The following TMEM132B variants were observed in gnomAD, a reference collection of about 807,000 sequenced individuals.
The protein encoded by TMEM132B is transmembrane protein 132B.
Under a neutral mutation model 90.8 loss-of-function variants are expected in TMEM132B, and 18 were observed. The observed-to-expected ratio is 0.20, with a 90% CI of 0.14 to 0.29. The LOEUF (loss-of-function observed/expected upper bound fraction) is 0.29. Among genes scored for constraint, TMEM132B ranks in the 10% least tolerant of loss-of-function variants. The pLI is 1.00. For missense variants in TMEM132B, 1,096 were observed against 1,326.8 expected, an observed-to-expected ratio of 0.83 and a Z score of 2.70; for synonymous variants, 504 against 523.3, an observed-to-expected ratio of 0.96 and a Z score of 0.50.
At chr12:125,364,266 T>C (rs567449713) in intron 2 of TMEM132B, among the ~76,000 whole-genome samples, 1 of 152,324 alleles carries the variant, frequency 6.6e-6, no homozygotes, top group African/African-American at 2.4e-5. Flanking sequence ...CTCTCCATAC[T>C]CTTTTACATA....
chr12:125,361,315 G>A (rs2136250474), intron 2 of TMEM132B, among the ~76,000 whole-genome samples: 1 of 152,176 alleles, frequency 6.6e-6, no homozygotes, highest in South Asian at 2.1e-4. Flanking sequence ...CTTGCCCAAG[G>A]GTCACACAGC....
intron 2 of TMEM132B, among the ~76,000 whole-genome samples, chr12:125,396,309 A>C (rs994353363): frequency 1.3e-5 from 2 of 152,138 alleles, no homozygotes; most frequent in African/African-American, 2.4e-5. Context: ...TTTAGCACCA[A>C]AGGATGATTC....
At chr12:125,501,524 C>T (rs968073276) in intron 3 of TMEM132B, among the ~76,000 whole-genome samples, 1 of 152,158 alleles carries the variant, frequency 6.6e-6, no homozygotes, top group Non-Finnish European at 1.5e-5. Flanking sequence ...TGATGGTCTC[C>T]CTTTCCCCAC....
rs1887104200 is a variant in TMEM132B at position 125,657,804 on chromosome 12, AC to A, written c.*3096del. On this transcript the variant is annotated 3_prime_UTR_variant, in exon 9 of 9. Coordinates refer to ENST00000682704, the MANE Select transcript of TMEM132B (RefSeq NM_001366854.1). ...ACACCAGCAAGCCTCTTGAGAAGGC[AC>A]CAGACAGTGAACTCTGTGGTCACAT... 6.6e-6 allele frequency: 1 copy of A among 152,316 alleles called. No individual in the cohort carries two copies. Among genetic ancestry groups the A allele is most frequent in the African/African-American group, 2.4e-5 (1 of 41,464 alleles). The allele number at this position is 152,316 out of a possible 1,614,324, so 9.4% of individuals were successfully genotyped here.
chr12:125,642,808 A>T (rs917689182), intron 5 of TMEM132B, among the ~76,000 whole-genome samples: 1 of 152,196 alleles, frequency 6.6e-6, no homozygotes, highest in Admixed American at 6.5e-5. Flanking sequence ...GTGACTGGGG[A>T]TGCAGGGTGA....
At chr12:125,603,304 A>G (rs1401763683) in intron 5 of TMEM132B, among the ~76,000 whole-genome samples, 1 of 152,168 alleles carries the variant, frequency 6.6e-6, no homozygotes, top group Non-Finnish European at 1.5e-5. Context: ...ATAACACCAC[A>G]TCTACAACCA....
At chr12:125,475,229 A>G (rs541496559) in intron 3 of TMEM132B, among the ~76,000 whole-genome samples, 2 of 152,316 alleles carry the variant, frequency 1.3e-5, no homozygotes, top group South Asian at 4.1e-4. Context: ...GGACATTGTA[A>G]TTTAGGTTAG....
intron 1 of TMEM132B, among the ~76,000 whole-genome samples, chr12:125,202,289 G>A (rs1049674199): frequency 6.6e-6 from 1 of 152,244 alleles, no homozygotes; most frequent in Non-Finnish European, 1.5e-5. Flanking sequence ...ATAAATGACT[G>A]CAGACTAACA....
intron 4 of TMEM132B, among the ~76,000 whole-genome samples, chr12:125,526,459 A>G (rs1249861002): frequency 6.6e-6 from 1 of 152,176 alleles, no homozygotes; most frequent in African/African-American, 2.4e-5. Context: ...TGCTGGGGGA[A>G]TGAGGGTCTG....
chr12:125,281,844 C>T (rs1218969363), intron 1 of TMEM132B, among the ~76,000 whole-genome samples: 8 of 151,526 alleles, frequency 5.3e-5, no homozygotes, highest in African/African-American at 1.2e-4. Flanking sequence ...CTGGCTAACA[C>T]GGTGAAACCC....
At chr12:125,229,433 C>T (rs1171517403) in intron 1 of TMEM132B, among the ~76,000 whole-genome samples, 1 of 152,188 alleles carries the variant, frequency 6.6e-6, no homozygotes, top group East Asian at 1.9e-4. Flanking sequence ...CATTACCTGC[C>T]TCTTAGAACA....
At chr12:125,596,825 A>G (rs528749550) in intron 5 of TMEM132B, among the ~76,000 whole-genome samples, 20 of 152,340 alleles carry the variant, frequency 1.3e-4, no homozygotes, top group African/African-American at 4.8e-4. Context: ...GTGTCTAACA[A>G]ATGACAAATA....
At chr12:125,494,841 C>T (rs1344368100) in intron 3 of TMEM132B, among the ~76,000 whole-genome samples, 2 of 29,184 alleles carry the variant, frequency 6.9e-5, no homozygotes. Context: ...TCCTCCCCCT[C>T]CTCCCTGGAA....
intron 7 of TMEM132B, among the ~76,000 whole-genome samples, chr12:125,651,291 G>A (rs1279876674): frequency 2.6e-5 from 4 of 152,134 alleles, no homozygotes; most frequent in Non-Finnish European, 5.9e-5. Context: ...ACCAATAGAA[G>A]GTGGTTATAC....
intron 1 of TMEM132B, among the ~76,000 whole-genome samples, chr12:125,197,842 A>C (rs1304476748): frequency 6.6e-6 from 1 of 152,252 alleles, no homozygotes; most frequent in East Asian, 1.9e-4. Context: ...GAAAAAGAAA[A>C]ACAGATTGAT....
intron 1 of TMEM132B, among the ~76,000 whole-genome samples, chr12:125,292,193 C>T (rs1410319749): frequency 6.6e-6 from 1 of 152,184 alleles, no homozygotes; most frequent in Non-Finnish European, 1.5e-5. Context: ...ATAGTTTCTA[C>T]CTAGATTAAA....
chr12:125,299,792 G>C (rs1046926001), intron 1 of TMEM132B, among the ~76,000 whole-genome samples: 3 of 152,164 alleles, frequency 2.0e-5, no homozygotes, highest in African/African-American at 7.2e-5. Flanking sequence ...TTCTCACCCT[G>C]GTCTAAGTGA....
At chr12:125,472,122 A>G (rs1044030872) in intron 3 of TMEM132B, among the ~76,000 whole-genome samples, 1 of 152,216 alleles carries the variant, frequency 6.6e-6, no homozygotes, top group Non-Finnish European at 1.5e-5. Flanking sequence ...AAGCAATTCT[A>G]GTAAACTCTT....
At chr12:125,540,726 A>T (rs1157129728) in intron 4 of TMEM132B, among the ~76,000 whole-genome samples, 1 of 152,136 alleles carries the variant, frequency 6.6e-6, no homozygotes, top group Non-Finnish European at 1.5e-5. Flanking sequence ...AATCTCTCCT[A>T]GTTCTACCCT....
Sources: gnomAD v4.1 joint callset for allele counts (sites outside exome capture counted in the v4.1 genomes callset) on GRCh38, gnomAD v4.1.1 for gene constraint, MANE v1.5 for transcripts, NCBI Gene and HGNC (gene_info 2026-07-23, HGNC 2026-07-21) for gene names.